RBFOX1: variants seen among roughly 807,000 people sequenced by gnomAD.
RBFOX1 encodes RNA binding fox-1 homolog 1, also known as RNA binding protein fox-1 homolog 1.
Under a neutral mutation model 57.7 loss-of-function variants are expected in RBFOX1, and 8 were observed. The observed-to-expected ratio is 0.14, with a 90% CI of 0.08 to 0.25. The LOEUF (loss-of-function observed/expected upper bound fraction) is 0.25, where lower values mean the gene tolerates loss of function less well. RBFOX1 is among the 10% of genes least tolerant of loss of function. RBFOX1 has a pLI of 1.00. For synonymous variants in RBFOX1, 326 were observed against 222.4 expected (o/e 1.47, Z -4.15); for missense variants, 611 against 548.5 (o/e 1.11, Z -1.14).
rs549051253 is a variant in RBFOX1, at chr16:7,544,955, C to T, written c.270+26566C>T. 3.9e-5 allele frequency among the ~76,000 whole-genome samples: 6 copies of T among 152,240 alleles called. No homozygotes were observed. The East Asian group carries it at 5.8e-4, about 15-fold the overall frequency. ...CTTCACTCCAATAGCAGCTCAGTTA[C>T]GATGTGTGAACGGAATGTATGAATG... On this transcript the variant is annotated intron_variant, in intron 5 of 15. Coordinates refer to ENST00000550418, the MANE Select transcript of RBFOX1 (RefSeq NM_018723.4).
chr16:6,654,996 TA>T (rs2098636759), intron 3 of RBFOX1, among the ~76,000 whole-genome samples: 2 of 150,028 alleles, frequency 1.3e-5, no homozygotes, highest in South Asian at 2.1e-4. Context: ...TATGTATAAT[TA>T]ATTATATTAT....
intron 4 of RBFOX1, among the ~76,000 whole-genome samples, chr16:7,228,607 T>C (rs1209493446): frequency 1.3e-5 from 2 of 152,198 alleles, no homozygotes; most frequent in African/African-American, 4.8e-5. Flanking sequence ...AGTAGAGACC[T>C]GATTCAAATC....
chr16:6,876,979 A>G (rs2061962679), intron 3 of RBFOX1, among the ~76,000 whole-genome samples: 1 of 152,188 alleles, frequency 6.6e-6, no homozygotes, highest in Non-Finnish European at 1.5e-5. Context: ...AATAATGAAT[A>G]TAGTTTTCCA....
chr16:6,349,250 T>G (rs985425455), intron 2 of RBFOX1, among the ~76,000 whole-genome samples: 2 of 152,134 alleles, frequency 1.3e-5, no homozygotes, highest in African/African-American at 4.8e-5. Context: ...AAACTTTCTG[T>G]TATCCCTTAC....
At chr16:5,589,541 C>G (rs1016951780) in intron 2 of RBFOX1, among the ~76,000 whole-genome samples, 25 of 152,132 alleles carry the variant, frequency 1.6e-4, no homozygotes, top group Admixed American at 6.5e-4. Context: ...ATTAATAGAT[C>G]AAAGGTGATT....
intron 4 of RBFOX1, among the ~76,000 whole-genome samples, chr16:7,442,283 T>G (rs2098774033): frequency 6.6e-6 from 1 of 152,186 alleles, no homozygotes. Context: ...GCCAGCCTTC[T>G]GGATTCCCTC....
chr16:7,464,546 A>G (rs144280345), intron 4 of RBFOX1, among the ~76,000 whole-genome samples: 81 of 152,186 alleles, frequency 5.3e-4, no homozygotes, highest in African/African-American at 1.7e-3. Context: ...TTTCAGGGAC[A>G]TCTACAAGCT....
chr16:5,501,439 A>T (rs2043194936), intron 2 of RBFOX1, among the ~76,000 whole-genome samples: 1 of 151,804 alleles, frequency 6.6e-6, no homozygotes, highest in African/African-American at 2.4e-5. Context: ...CGCCCTGTCG[A>T]TCTAGTGGAA....
At chr16:5,604,289 A>G (rs917737355), downstream of RBFOX1, among the ~76,000 whole-genome samples, 6 of 152,250 alleles carry the variant, frequency 3.9e-5, no homozygotes, top group African/African-American at 1.4e-4. Context: ...ATAGGTCTGG[A>G]CACAGCTGAA....
intron 5 of RBFOX1, among the ~76,000 whole-genome samples, chr16:7,571,004 TTC>T (rs2092716055): frequency 6.6e-6 from 1 of 152,164 alleles, no homozygotes; most frequent in African/African-American, 2.4e-5. Flanking sequence ...ACACTGCATG[TTC>T]TCACTCATAA....
At chr16:7,617,185 C>G (rs11077204) in intron 10 of RBFOX1, among the ~76,000 whole-genome samples, 99,841 of 151,740 alleles carry the variant, frequency 0.66, 35,445 homozygotes, top group East Asian at 0.96. Flanking sequence ...CAACTTATCA[C>G]TGTAGGCACA....
In RBFOX1 at chr16:6,509,691, C is replaced by T. The variant is rs912432995; in HGVS notation, c.-63-144912C>T. Reference sequence around the variant, plus strand: ...TTTTAAATAAGTAAAAGAGTATAATCGGATTGTTTGCAGCACAAAAGATTA... The same window carrying T: ...TTTTAAATAAGTAAAAGAGTATAATTGGATTGTTTGCAGCACAAAAGATTA... On this transcript the variant is annotated intron_variant, in intron 2 of 15. Transcript: ENST00000550418. 5.9e-5 allele frequency among the ~76,000 whole-genome samples: 9 copies of T among 152,184 alleles called. No individual in the cohort carries two copies. In the South Asian group the frequency reaches 6.2e-4, roughly 11 times the overall value.
At chr16:6,446,693 A>G (rs74681607) in intron 2 of RBFOX1, among the ~76,000 whole-genome samples, 2,785 of 152,284 alleles carry the variant, frequency 0.018, 70 homozygotes, top group East Asian at 0.12. Flanking sequence ...TAATTAATTT[A>G]AGTTAATATA....
At chr16:7,537,198 C>G (rs555498107) in intron 5 of RBFOX1, among the ~76,000 whole-genome samples, 2 of 152,298 alleles carry the variant, frequency 1.3e-5, no homozygotes, top group East Asian at 3.9e-4. Context: ...TAAGCTCTTG[C>G]CATGGGCTGG....
At chr16:6,479,379 G>A (rs182668438) in intron 2 of RBFOX1, among the ~76,000 whole-genome samples, 2 of 152,248 alleles carry the variant, frequency 1.3e-5, no homozygotes, top group African/African-American at 4.8e-5. Flanking sequence ...CTTGAGGACA[G>A]GAGTTAAAGG....
intron 4 of RBFOX1, among the ~76,000 whole-genome samples, chr16:5,958,807 C>T (rs1250098763): frequency 6.6e-6 from 1 of 152,158 alleles, no homozygotes; most frequent in Non-Finnish European, 1.5e-5. Flanking sequence ...AGCCACATCA[C>T]GCTAATCTCT....
intron 3 of RBFOX1, among the ~76,000 whole-genome samples, chr16:5,856,183 CTCTCTATATA>C (rs1377333504): frequency 6.5e-5 from 3 of 45,890 alleles, no homozygotes; most frequent in Non-Finnish European, 1.1e-4. Context: ...CTCTCTCTCT[CTCTCTATATA>C]TATATATATA....
At chr16:6,333,608 G>A (rs974526818) in intron 2 of RBFOX1, among the ~76,000 whole-genome samples, 4 of 152,096 alleles carry the variant, frequency 2.6e-5, no homozygotes, top group African/African-American at 9.7e-5. Flanking sequence ...CTACACCTCT[G>A]AAAAACTCTT....
chr16:5,898,521 C>T (rs2058222716), intron 4 of RBFOX1, among the ~76,000 whole-genome samples: 1 of 138,306 alleles, frequency 7.2e-6, no homozygotes, highest in Non-Finnish European at 1.6e-5. Flanking sequence ...GCAACAGTAG[C>T]AGGGTTTTTT....
Sources: gnomAD v4.1 joint callset for allele counts (sites outside exome capture counted in the v4.1 genomes callset) on GRCh38, gnomAD v4.1.1 for gene constraint, MANE v1.5 for transcripts, NCBI Gene and HGNC (gene_info 2026-07-23, HGNC 2026-07-21) for gene names.